The following ZZEF1 variants were observed in gnomAD, a reference collection of about 807,000 sequenced individuals.
ZZEF1 encodes the protein zinc finger ZZ-type and EF-hand domain-containing protein 1.
A neutral mutation model predicts 342.8 loss-of-function variants in ZZEF1; 157 were observed. The observed-to-expected ratio is 0.46, with a 90% CI of 0.40 to 0.52. The LOEUF is 0.52. Ranked by LOEUF, ZZEF1 falls within the 20% of genes least tolerant of loss-of-function variation. ZZEF1 has a pLI of 0.00. For missense variants in ZZEF1, 3,480 were observed against 3,725.6 expected (o/e 0.93, Z 1.72); for synonymous variants, 1,505 against 1,429.1 (o/e 1.05, Z -1.20).
At chr17:4,050,074 CACTTTAT>C (rs1302473749) in intron 36 of ZZEF1, among the ~76,000 whole-genome samples, 5 of 152,172 alleles carry the variant, frequency 3.3e-5, no homozygotes, top group Admixed American at 3.3e-4. Flanking sequence ...GGGATACCTG[CACTTTAT>C]ACTTTATTAA....
At chr17:4,085,056 G>C (rs914393769) in intron 16 of ZZEF1, among the ~76,000 whole-genome samples, 1 of 152,204 alleles carries the variant, frequency 6.6e-6, no homozygotes, top group Non-Finnish European at 1.5e-5. Flanking sequence ...AGAATGCAGT[G>C]AGTTGTGATT....
At chr17:4,062,987 C>T (rs976368022) in intron 29 of ZZEF1, 70 bp from the exon 30 acceptor site, 5 of 1,484,280 alleles carry the variant, frequency 3.4e-6, no homozygotes, top group Admixed American at 4.3e-5. Context: ...AATATCCCCG[C>T]CAAAGCCCTG....
intron 5 of ZZEF1, among the ~76,000 whole-genome samples, chr17:4,112,373 T>C (rs1295295763): frequency 6.6e-6 from 1 of 151,974 alleles, no homozygotes; most frequent in Non-Finnish European, 1.5e-5. Flanking sequence ...TTCGAACTCC[T>C]GATCTCAAGT....
rs1349262634 is a variant in ZZEF1, at chr17:4,022,803, G to C, written c.7118C>G (p.Ala2373Gly). The C allele has an allele frequency of 6.2e-7, 1 of 1,613,686 alleles. No homozygotes were observed. Among genetic ancestry groups the C allele is most frequent in the Non-Finnish European group, 8.5e-7 (1 of 1,179,992 alleles). The change falls in exon 44 of 55, where the codon GCT (alanine) becomes GGT (glycine). Residue 2373 changes from alanine to glycine, a missense_variant. Physicochemically the swap from Ala to Gly is moderately conservative, Grantham distance 60 (BLOSUM62 0). This residue lies in a region of ZZEF1 where 1,269 missense variants were observed against 1,342.4 expected (regional missense o/e 0.95). Coordinates refer to ENST00000381638, the MANE Select transcript of ZZEF1 (RefSeq NM_015113.4). ...LKAHGFEEIR[A>G]TFLQTDLLKL... ...CAGCAAATCGGTCTGAAGGAAAGTAGCACGGATCTCCTCAAAACCGTGAGC... is the reference window on the plus strand; with the variant it reads ...CAGCAAATCGGTCTGAAGGAAAGTACCACGGATCTCCTCAAAACCGTGAGC...
At chr17:4,107,106 C>T (rs1941443751) in intron 6 of ZZEF1, among the ~76,000 whole-genome samples, 1 of 152,188 alleles carries the variant, frequency 6.6e-6, no homozygotes, top group African/African-American at 2.4e-5. Flanking sequence ...ACAGGCAACA[C>T]TTCTGTCCCA....
rs2056053585 is a variant in ZZEF1, at chr17:4,014,627, C to A, written c.8146-112G>T. On this transcript the variant is annotated intron_variant, in intron 49 of 54. Transcript: ENST00000381638. This position sits in a 1 kb window ranked among gnomAD's most constrained non-coding sequence, Gnocchi z 4.4. The stretch of plus-strand genomic sequence containing the variant: ...ACCCGGGTGTGTGAGAATGAGTGAA[C>A]CACAGCCCTGGCCTCCAGGAGTGCA... 8.8e-7 allele frequency: 1 copy of A among 1,137,746 alleles called. No homozygotes were observed. Among genetic ancestry groups the A allele is most frequent in the Non-Finnish European group, 1.3e-6 (1 of 772,274 alleles). The allele number at this position is 1,137,746 out of a possible 1,614,324, so 70.5% of individuals were successfully genotyped here. A position where few individuals can be genotyped will look rare whatever the true frequency, so the allele number is the denominator to read the frequency against.
chr17:4,111,306 T>G (rs1222490491), intron 5 of ZZEF1, among the ~76,000 whole-genome samples: 1 of 152,058 alleles, frequency 6.6e-6, no homozygotes. Context: ...CCCTGGGTAG[T>G]AGGATTTGAG....
At chr17:4,063,057 G>A (rs1207758238) in intron 29 of ZZEF1, 140 bp from the exon 30 acceptor site, 1 of 777,048 alleles carries the variant, frequency 1.3e-6, no homozygotes, top group Non-Finnish European at 1.9e-6. Flanking sequence ...TGTAGGAGAA[G>A]TACCAATACC....
Position 4,095,706 on chromosome 17 carries a change from T to C in ZZEF1, c.1913+125A>G, listed in dbSNP as rs990233536. On this transcript the variant is annotated intron_variant, in intron 11 of 54. Coordinates refer to ENST00000381638, the MANE Select transcript of ZZEF1 (RefSeq NM_015113.4). ...AAGGCTTATGGCCACTGAGATGGAT[T>C]AGTGGCGCCTTTTCTATAAAGACAA... The C allele has an allele frequency of 2.1e-5, 20 of 971,228 alleles. No homozygotes were observed. In the Middle Eastern group the frequency reaches 1.0e-3, roughly 49 times the overall value. 60.2% of individuals were successfully genotyped at this position (971,228 alleles called of 1,614,324 possible). A position where few individuals can be genotyped will look rare whatever the true frequency, so the allele number is the denominator to read the frequency against.
intron 14 of ZZEF1, 116 bp downstream of exon 14, chr17:4,087,318 A>T: frequency 1.4e-6 from 1 of 706,840 alleles, no homozygotes; most frequent in Non-Finnish European, 2.3e-6. Context: ...TTTTAAATCG[A>T]ACCATAAACA....
chr17:4,010,005 C>T (rs577226427), intron 52 of ZZEF1, among the ~76,000 whole-genome samples: 7 of 152,192 alleles, frequency 4.6e-5, no homozygotes, highest in East Asian at 3.9e-4. Flanking sequence ...AATGTGCTCA[C>T]GGGGATTACT....
chr17:4,048,195 G>A (rs1326923732), intron 37 of ZZEF1, among the ~76,000 whole-genome samples: 1 of 152,182 alleles, frequency 6.6e-6, no homozygotes, highest in African/African-American at 2.4e-5. Context: ...TCCGTGGGTG[G>A]TTAAAGTGCC....
chr17:4,052,431 C>G (rs1171802824), intron 34 of ZZEF1, among the ~76,000 whole-genome samples: 1 of 152,080 alleles, frequency 6.6e-6, no homozygotes, highest in Non-Finnish European at 1.5e-5. Flanking sequence ...CTCCTATGAC[C>G]CCTCCACTAA....
chr17:4,052,878 G>A (rs1302046641), intron 34 of ZZEF1, among the ~76,000 whole-genome samples: 2 of 113,660 alleles, frequency 1.8e-5, no homozygotes, highest in South Asian at 3.0e-4. Context: ...GGAGGGCGGC[G>A]GGGGAGAAAA....
At chr17:4,011,219 T>G (rs57625058) in intron 52 of ZZEF1, among the ~76,000 whole-genome samples, 22,269 of 151,784 alleles carry the variant, frequency 0.15, 1,869 homozygotes, top group South Asian at 0.21. Flanking sequence ...CTGGGCAACA[T>G]GGCGAAACCC....
intron 54 of ZZEF1, among the ~76,000 whole-genome samples, chr17:4,007,626 A>G (rs1266840392): frequency 6.6e-6 from 1 of 152,062 alleles, no homozygotes; most frequent in East Asian, 1.9e-4. Flanking sequence ...AAATATCAAA[A>G]TTTCGTTACA....
rs1263332844 is a variant in ZZEF1, at chr17:4,117,038, T to C, written c.628A>G (p.Asn210Asp). The C allele has an allele frequency of 1.2e-6, 2 of 1,613,950 alleles. No individual in the cohort carries two copies. The highest frequency in any genetic ancestry group is 2.2e-5 in the East Asian group (1 of 44,900). Residue 210 changes from asparagine to aspartate, a missense_variant, in exon 3 of 55, where the codon AAC becomes GAC. Transcript: ENST00000381638. ...MPYPMLEHCNNMCTMRSSVLK... is the reference protein window; with the variant it reads ...MPYPMLEHCNDMCTMRSSVLK... ...ACGGAAGACCGCATGGTGCACATGTTATTGCAGTGCTCCAGCATCGGGTAG... is the reference window on the plus strand; with the variant it reads ...ACGGAAGACCGCATGGTGCACATGTCATTGCAGTGCTCCAGCATCGGGTAG...
At chr17:4,076,368 C>T (rs967607775) in intron 21 of ZZEF1, 6 of 221,072 alleles carry the variant, frequency 2.7e-5, no homozygotes, top group Middle Eastern at 1.6e-3. Context: ...CTCCTGACCT[C>T]GTGATCCGCC....
At chr17:4,062,976 A>T in intron 29 of ZZEF1, 59 bp from the exon 30 acceptor site, 1 of 1,541,206 alleles carries the variant, frequency 6.5e-7, no homozygotes, top group African/African-American at 1.4e-5. Flanking sequence ...GGCAGACGGA[A>T]AATATCCCCG....
Sources: gnomAD v4.1 joint callset for allele counts (sites outside exome capture counted in the v4.1 genomes callset) on GRCh38, gnomAD v4.1.1 for gene constraint, gnomAD v4.1.1 regional missense constraint, Gnocchi (gnomAD v3.1) non-coding constraint, MANE v1.5 for transcripts, NCBI Gene and HGNC (gene_info 2026-07-23, HGNC 2026-07-21) for gene names.